ADCY3: variants seen among roughly 807,000 people sequenced by gnomAD.
The protein encoded by ADCY3 is adenylate cyclase type 3.
ADCY3 carries 70 observed loss-of-function variants against 119.4 expected under a neutral mutation model. The observed-to-expected ratio is 0.59, with a 90% CI of 0.48 to 0.72. The LOEUF (loss-of-function observed/expected upper bound fraction) is 0.72. Among genes scored for constraint, ADCY3 ranks in the 30% least tolerant of loss-of-function variants. The pLI, the probability that ADCY3 is intolerant of heterozygous loss-of-function variation, is 0.00. For missense variants in ADCY3, 1,238 were observed against 1,541.6 expected (o/e 0.80, Z 3.30); for synonymous variants, 672 against 621.4 (o/e 1.08, Z -1.21).
rs1480931770 is a variant in ADCY3 at position 24,842,233 on chromosome 2, C to G, written c.956+21G>C. On this transcript the variant is annotated intron_variant, in intron 4 of 21. Transcript: ENST00000679454. The surrounding 1 kb of genome is among the most constrained non-coding windows in gnomAD (Gnocchi z 4.9). Reference sequence around the variant, plus strand: ...CCACAGCCTGCTCTGCCATCAGAGCCCGCGCCCCGGGCCGGCGTACCTGAC... The same window carrying G: ...CCACAGCCTGCTCTGCCATCAGAGCGCGCGCCCCGGGCCGGCGTACCTGAC... The G allele has an allele frequency of 6.2e-7, 1 of 1,613,672 alleles. No individual in the cohort carries two copies. The highest frequency in any genetic ancestry group is 8.5e-7 in the Non-Finnish European group (1 of 1,179,920).
At chr2:24,821,354 G>T in intron 20 of ADCY3, 163 bp downstream of exon 20, 1 of 1,034,718 alleles carries the variant, frequency 9.7e-7, no homozygotes, top group Non-Finnish European at 1.4e-6. Flanking sequence ...ATCTAGAGTC[G>T]TCTGGACTAA....
chr2:24,820,792 C>G lies in ADCY3; in HGVS notation c.3184G>C (p.Asp1062His). The change falls in exon 21 of 22, where the codon GAC (aspartate) becomes CAC (histidine). Residue 1062 changes from aspartate to histidine, a missense_variant. Physicochemically the swap from Asp to His is moderately conservative, Grantham distance 81. Transcript: ENST00000679454. The part of the protein sequence containing the change: ...GVIGARKPHY[D>H]IWGNTVNVAS... ...ACATTGACTGTATTGCCCCAGATGT[C>G]GTAGTGTGGTTTCCGGGCTCCGATG... 6.2e-7 allele frequency: 1 copy of G among 1,614,090 alleles called. No homozygotes were observed. The highest frequency in any genetic ancestry group is 1.7e-5 in the Admixed American group (1 of 60,022).
At chr2:24,857,426 A>T (rs1314790413) in intron 3 of ADCY3, among the ~76,000 whole-genome samples, 1 of 152,276 alleles carries the variant, frequency 6.6e-6, no homozygotes, top group African/African-American at 2.4e-5. Flanking sequence ...AACAGCGCTA[A>T]TAGAACTTCC....
intron 13 of ADCY3, 136 bp from the exon 14 acceptor site, chr2:24,828,297 A>G (rs1243114276): frequency 9.5e-7 from 1 of 1,056,340 alleles, no homozygotes; most frequent in Non-Finnish European, 1.3e-6. Flanking sequence ...AAGATGGGGA[A>G]ATTTACCAGG....
chr2:24,821,275 C>T, intron 20 of ADCY3: 1 of 523,838 alleles, frequency 1.9e-6, no homozygotes, highest in Non-Finnish European at 3.3e-6. Flanking sequence ...CCAGGCAGGC[C>T]AAGCTTCTAT....
At chr2:24,888,499 A>C (rs997622504) in intron 2 of ADCY3, among the ~76,000 whole-genome samples, 2 of 152,018 alleles carry the variant, frequency 1.3e-5, no homozygotes, top group Non-Finnish European at 2.9e-5. Context: ...TAACCTTCAC[A>C]CCATTAGTCA....
chr2:24,875,986 T>TG (rs140150425), intron 2 of ADCY3, among the ~76,000 whole-genome samples: 61,097 of 148,666 alleles, frequency 0.41, 12,767 homozygotes, highest in African/African-American at 0.5. Context: ...GACTTCTTTT[T>TG]GGGAGGGGGG....
At position 24,822,514 on chromosome 2, in the gene ADCY3, G is replaced by T. The variant is rs147179390; in HGVS notation, c.3000C>A (p.Asn1000Lys). ...DVNTNGFASSNKEDKSERERW... is the reference protein window; with the variant it reads ...DVNTNGFASSKKEDKSERERW... ...TCTGGCTACTGGGGTTAGCTACCTT[G>T]TTGGAGCTGGCAAAGCCATTGGTGT... The change falls in exon 19 of 22, where the codon AAC becomes AAA. Residue 1000 changes from asparagine (N) to lysine (K), a missense_variant. Physicochemically the swap from Asn to Lys is moderately conservative, Grantham distance 94. Coordinates refer to ENST00000679454, the MANE Select transcript of ADCY3 (RefSeq NM_004036.5). 7.5e-4 allele frequency: 1,207 copies of T among 1,613,532 alleles called. No individual in the cohort carries two copies. Among genetic ancestry groups the T allele is most frequent in the Non-Finnish European group, 9.8e-4 (1,160 of 1,179,644 alleles).
chr2:24,845,518 G>A (rs1350128742), intron 3 of ADCY3, among the ~76,000 whole-genome samples: 1 of 152,188 alleles, frequency 6.6e-6, no homozygotes, highest in Admixed American at 6.5e-5. Context: ...ATGATTTAGG[G>A]TATCTGATGG....
intron 3 of ADCY3, among the ~76,000 whole-genome samples, chr2:24,867,324 G>A (rs754256017): frequency 6.6e-6 from 1 of 152,250 alleles, no homozygotes; most frequent in Non-Finnish European, 1.5e-5. Context: ...GTCTTGGCAT[G>A]ATTTGAATGT....
At chr2:24,823,424 A>G in intron 17 of ADCY3, 69 bp from the exon 18 acceptor site, 2 of 1,554,178 alleles carry the variant, frequency 1.3e-6, no homozygotes, top group South Asian at 1.2e-5. Context: ...GGAGAAATGC[A>G]TCTATCTTCC....
chr2:24,846,183 G>A lies in ADCY3; in HGVS notation c.826-3799C>T, dbSNP rs182546417. Among the ~76,000 whole-genome samples the A allele has an allele frequency of 2.4e-4, 36 of 152,352 alleles. 1 individual carries two copies. The East Asian group carries it at 6.2e-3, about 26-fold the overall frequency. ...AGAGTCCCTACTGGGCCACTGCCTAGTGGAGCTGTGAGAAGAGGGCCACTG... is the reference window on the plus strand; with the variant it reads ...AGAGTCCCTACTGGGCCACTGCCTAATGGAGCTGTGAGAAGAGGGCCACTG... On this transcript the variant is annotated intron_variant, in intron 3 of 21. Coordinates refer to ENST00000679454, the MANE Select transcript of ADCY3 (RefSeq NM_004036.5).
intron 16 of ADCY3, among the ~76,000 whole-genome samples, chr2:24,825,347 GGTGC>G (rs75710543): frequency 5.1e-5 from 1 of 19,430 alleles, no homozygotes; most frequent in African/African-American, 1.1e-4. Context: ...GGGGGGGGGG[GGTGC>G]GGGGGGGGTG....
At chr2:24,880,724 G>A (rs568499893) in intron 2 of ADCY3, among the ~76,000 whole-genome samples, 1 of 152,164 alleles carries the variant, frequency 6.6e-6, no homozygotes, top group Non-Finnish European at 1.5e-5. Context: ...AGAGTATAAA[G>A]TCTCCTTCCA....
At chr2:24,867,797 T>C (rs767571590) in intron 3 of ADCY3, among the ~76,000 whole-genome samples, 2 of 152,108 alleles carry the variant, frequency 1.3e-5, no homozygotes, top group African/African-American at 2.4e-5. Flanking sequence ...GTAAAGAATA[T>C]TAATAAGAAT....
At chr2:24,886,577 C>A (rs981474893) in intron 2 of ADCY3, among the ~76,000 whole-genome samples, 2 of 152,212 alleles carry the variant, frequency 1.3e-5, no homozygotes, top group Admixed American at 1.3e-4. Flanking sequence ...GACACAGAAA[C>A]TCTGAAGCTC....
At chr2:24,874,065 C>A (rs1451265155) in intron 2 of ADCY3, among the ~76,000 whole-genome samples, 9 of 152,186 alleles carry the variant, frequency 5.9e-5, no homozygotes, top group Non-Finnish European at 1.5e-5. Context: ...TTTCTGGGTT[C>A]TCTTGGTTAT....
chr2:24,834,465 C>G lies in ADCY3; in HGVS notation c.1967+20G>C. ...ACCGCAGCCGAGGAAACTCGTGGCC[C>G]TCCCCGGCCCCTCCCTCACCAGGGG... On this transcript the variant is annotated intron_variant, in intron 11 of 21. Coordinates refer to ENST00000679454, the MANE Select transcript of ADCY3 (RefSeq NM_004036.5). This position sits in a 1 kb window ranked among gnomAD's most constrained non-coding sequence, Gnocchi z 4.2. The G allele has an allele frequency of 6.3e-7, 1 of 1,579,076 alleles. No individual in the cohort carries two copies. The highest frequency in any genetic ancestry group is 8.6e-7 in the Non-Finnish European group (1 of 1,161,076).
At chr2:24,843,471 C>T (rs144796361) in intron 3 of ADCY3, among the ~76,000 whole-genome samples, 1 of 152,338 alleles carries the variant, frequency 6.6e-6, no homozygotes, top group East Asian at 1.9e-4. Flanking sequence ...GCGCTCAAAT[C>T]ATCCTCTGTT....
Sources: allele counts gnomAD v4.1 joint callset (sites outside exome capture counted in the v4.1 genomes callset), GRCh38; gene constraint gnomAD v4.1.1; non-coding constraint Gnocchi (gnomAD v3.1); transcripts MANE v1.5; gene names NCBI Gene and HGNC (gene_info 2026-07-23, HGNC 2026-07-21).